ZNF90: variants seen among roughly 807,000 people sequenced by gnomAD.
The protein encoded by ZNF90 is zinc finger protein 90.
Under a neutral mutation model 12.0 loss-of-function variants are expected in ZNF90, and 11 were observed. The observed-to-expected ratio is 0.92, with a 90% CI of 0.58 to 1.52. The LOEUF is 1.52. Ranked by LOEUF, ZNF90 falls within the 40% of genes most tolerant of loss-of-function variation. ZNF90 has a pLI of 0.00. For missense variants in ZNF90, 765 were observed against 711.5 expected (o/e 1.08, Z -0.86); for synonymous variants, 232 against 240.1 (o/e 0.97, Z 0.31).
At chr19:20,107,163 G>A (rs961357502) in intron 3 of ZNF90, 20 of 371,310 alleles carry the variant, frequency 5.4e-5, no homozygotes, top group South Asian at 8.0e-5. Flanking sequence ...TCATTGAACC[G>A]CTTCAGGGAC....
chr19:20,106,652 A>T (rs1555704510), intron 3 of ZNF90, among the ~76,000 whole-genome samples: 1 of 152,088 alleles, frequency 6.6e-6, no homozygotes, highest in Admixed American at 6.5e-5. Flanking sequence ...ACGGGGTTTC[A>T]CCGTGTTAGC....
chr19:20,085,451 G>A (rs1174112161), intron 1 of ZNF90, among the ~76,000 whole-genome samples: 1 of 151,874 alleles, frequency 6.6e-6, no homozygotes, highest in Non-Finnish European at 1.5e-5. Context: ...TAGTAGAGAT[G>A]GGGTTTCACC....
At position 20,119,259 on chromosome 19, in the gene ZNF90, G is replaced by T. The variant is rs1555706302; in HGVS notation, c.1705G>T (p.Glu569Ter). Reference sequence around the variant, plus strand: ...TGGAGAGAAACCCTACAAATGTGAAGAATGTGGCAAAGCTTTTAACTTGTC... The same window carrying T: ...TGGAGAGAAACCCTACAAATGTGAATAATGTGGCAAAGCTTTTAACTTGTC... ...HTGEKPYKCEECGKAFNLSSD... is the reference protein window; with the variant it reads ...HTGEKPYKCE The change falls in exon 4 of 4, where the codon GAA (glutamate) becomes TAA (stop). Residue 569 changes from glutamate (E) to a stop codon, truncating the protein, a stop_gained. Coordinates refer to ENST00000418063, the MANE Select transcript of ZNF90 (RefSeq NM_007138.2). LOFTEE classifies it low-confidence loss of function (END_TRUNC). 6.2e-7 allele frequency: 1 copy of T among 1,613,734 alleles called. No homozygotes were observed. Among genetic ancestry groups the T allele is most frequent in the African/African-American group, 1.3e-5 (1 of 74,922 alleles).
intron 1 of ZNF90, among the ~76,000 whole-genome samples, chr19:20,084,443 A>G (rs1254961703): frequency 2.6e-5 from 4 of 152,178 alleles, no homozygotes; most frequent in Non-Finnish European, 5.9e-5. Flanking sequence ...TAGTGCTGCA[A>G]TGAACATGCA....
intron 1 of ZNF90, among the ~76,000 whole-genome samples, chr19:20,092,502 C>T (rs1358500162): frequency 6.6e-6 from 1 of 152,094 alleles, no homozygotes; most frequent in Non-Finnish European, 1.5e-5. Flanking sequence ...GGGGCAGTCT[C>T]TAAAGCTGTC....
At chr19:20,115,414 TCTG>T (rs2089128561) in intron 3 of ZNF90, among the ~76,000 whole-genome samples, 4 of 134,496 alleles carry the variant, frequency 3.0e-5, no homozygotes, top group African/African-American at 1.0e-4. Context: ...CATTTTCCTT[TCTG>T]TTTTTTTTTT....
chr19:20,081,432 C>A (rs1186792275), intron 1 of ZNF90, among the ~76,000 whole-genome samples: 1 of 152,166 alleles, frequency 6.6e-6, no homozygotes, highest in Non-Finnish European at 1.5e-5. Context: ...CATGATCCAC[C>A]CACCTTGCCC....
intron 1 of ZNF90, among the ~76,000 whole-genome samples, chr19:20,092,304 GTAT>G (rs1223859859): frequency 6.6e-6 from 1 of 152,212 alleles, no homozygotes; most frequent in African/African-American, 2.4e-5. Context: ...GCCTCTACAA[GTAT>G]TAGGGCAGCA....
At chr19:20,087,296 G>C (rs995506063) in intron 1 of ZNF90, 3 of 152,122 alleles carry the variant, frequency 2.0e-5, no homozygotes, top group African/African-American at 7.2e-5. Flanking sequence ...AAATAATCTT[G>C]CTCAGATGGA....
chr19:20,100,611 A>G (rs1470523649), intron 1 of ZNF90, among the ~76,000 whole-genome samples: 1 of 151,984 alleles, frequency 6.6e-6, no homozygotes, highest in East Asian at 1.9e-4. Flanking sequence ...CCCCTACTAC[A>G]CCGCAATTCA....
intron 1 of ZNF90, among the ~76,000 whole-genome samples, chr19:20,090,310 A>C (rs1300867447): frequency 6.6e-6 from 1 of 152,110 alleles, no homozygotes; most frequent in Non-Finnish European, 1.5e-5. Context: ...GAACAGACCT[A>C]ATAGAATGAA....
chr19:20,106,360 C>T (rs4608457), intron 3 of ZNF90, among the ~76,000 whole-genome samples: 11,923 of 152,086 alleles, frequency 0.078, 1,157 homozygotes, highest in African/African-American at 0.23. Flanking sequence ...AATTCTTCTG[C>T]CACATATTTC....
chr19:20,119,562 A>G lies in ZNF90; in HGVS notation c.*202A>G, dbSNP rs1323300981. On this transcript the variant is annotated 3_prime_UTR_variant, in exon 4 of 4. Coordinates refer to ENST00000418063, the MANE Select transcript of ZNF90 (RefSeq NM_007138.2). ...TCAACCCTTACTACACATAATTCAT[A>G]CTGGACGGAAACTCTACAGGTGTGA... The G allele has an allele frequency of 3.7e-6, 2 of 544,706 alleles. No homozygotes were observed. The highest frequency in any genetic ancestry group is 6.4e-6 in the Non-Finnish European group (2 of 313,436). The allele number at this position is 544,706 out of a possible 1,614,324, so 33.7% of individuals were successfully genotyped here.
In ZNF90 at chr19:20,118,749, T is replaced by A. The variant is rs1555706135; in HGVS notation, c.1195T>A (p.Cys399Ser). 2 of 1,608,820 alleles carry A rather than the reference T, an allele frequency of 1.2e-6. No homozygotes were observed. Among genetic ancestry groups the A allele is most frequent in the South Asian group, 1.1e-5 (1 of 90,438 alleles). ...ISHSEKKPYK[C>S]EECGKAFKRS... ...TCATAGTGAAAAGAAACCCTACAAA[T>A]GTGAAGAATGTGGCAAAGCCTTCAA... The change falls in exon 4 of 4, where the codon TGT becomes AGT. Residue 399 changes from cysteine (C) to serine (S), a missense_variant. By Grantham distance (112) the Cys-to-Ser change is moderately radical. Transcript: ENST00000418063.
chr19:20,105,251 C>A lies in ZNF90; in HGVS notation c.161C>A (p.Thr54Asn), dbSNP rs782813681. 2 of 1,606,818 alleles carry A rather than the reference C, an allele frequency of 1.2e-6. No homozygotes were observed. The highest frequency in any genetic ancestry group is 1.7e-6 in the Non-Finnish European group (2 of 1,176,548). ...GIVVTKPDLI[T>N]CLEQGKKPFT... ...GTTGTCACTAAGCCAGACCTGATCA[C>A]CTGTCTGGAGCAAGGAAAAAAACCC... The change falls in exon 3 of 4, where the codon ACC (threonine) becomes AAC (asparagine). Residue 54 changes from threonine (T) to asparagine (N), a missense_variant. Transcript: ENST00000418063.
chr19:20,112,745 GT>G (rs1392575601), intron 3 of ZNF90, among the ~76,000 whole-genome samples: 1 of 151,878 alleles, frequency 6.6e-6, no homozygotes, highest in African/African-American at 2.4e-5. Flanking sequence ...GGTTAGAAAT[GT>G]TTTTTTGTTA....
At position 20,119,116 on chromosome 19, in the gene ZNF90, C is replaced by T; in HGVS notation, c.1562C>T (p.Ser521Phe). 1 of 1,613,158 alleles carries T rather than the reference C, an allele frequency of 6.2e-7. No homozygotes were observed. ...GAATGTGGCAAAGCCTTCAAGCGCT[C>T]CTCAGTCCTTAGTAAACATAAGATA... ...CEECGKAFKRSSVLSKHKIIH... is the reference protein window; with the variant it reads ...CEECGKAFKRFSVLSKHKIIH... Residue 521 changes from serine (S) to phenylalanine (F), a missense_variant, in exon 4 of 4, where the codon TCC becomes TTC. Transcript: ENST00000418063.
At chr19:20,097,167 C>G (rs937383769) in intron 1 of ZNF90, among the ~76,000 whole-genome samples, 2 of 152,192 alleles carry the variant, frequency 1.3e-5, no homozygotes, top group Admixed American at 1.3e-4. Context: ...TGTAATAAAA[C>G]AGTTTTCTTT....
chr19:20,078,888 C>T (rs1167526179), intron 1 of ZNF90, among the ~76,000 whole-genome samples: 4 of 152,190 alleles, frequency 2.6e-5, no homozygotes, highest in Admixed American at 1.3e-4. Flanking sequence ...TTTGGGGCGC[C>T]GAGGCGGGCG....
Sources: allele counts gnomAD v4.1 joint callset (sites outside exome capture counted in the v4.1 genomes callset), GRCh38; gene constraint gnomAD v4.1.1; transcripts MANE v1.5; gene names NCBI Gene and HGNC (gene_info 2026-07-23, HGNC 2026-07-21).